Variants in VPS13B observed in about 807,000 individuals in gnomAD.
The protein encoded by VPS13B is intermembrane lipid transfer protein VPS13B.
VPS13B carries 285 observed loss-of-function variants against 426.4 expected under a neutral mutation model. The observed-to-expected ratio is 0.67, with a 90% CI of 0.61 to 0.74. VPS13B has a LOEUF of 0.74. Among genes scored for constraint, VPS13B ranks in the 30% least tolerant of loss-of-function variants. The probability of loss-of-function intolerance (pLI) is 0.00; values close to 1 mark genes in which losing one functional copy is unlikely to be tolerated. For synonymous variants in VPS13B, 1,676 were observed against 1,676.4 expected (o/e 1.00, Z 0.01); for missense variants, 4,537 against 4,782.6 (o/e 0.95, Z 1.51).
intron 22 of VPS13B, among the ~76,000 whole-genome samples, chr8:99,438,034 C>CTTTTTTTTTTTTTTTTTTTTTTTTTT (rs746500253): frequency 1.7e-5 from 2 of 120,588 alleles, no homozygotes; most frequent in African/African-American, 3.1e-5. Flanking sequence ...TTCTTTTCCT[C>CTTTTTTTTTTTTTTTTTTTTTTTTTT]TTTTTTTTTT....
intron 6 of VPS13B, 99 bp downstream of exon 6, chr8:99,111,378 T>C: frequency 2.1e-6 from 2 of 967,918 alleles, no homozygotes; most frequent in Non-Finnish European, 3.0e-6. Context: ...GAAATTAACC[T>C]TGTAAATATG....
chr8:99,589,272 G>A (rs1190280511), intron 33 of VPS13B, among the ~76,000 whole-genome samples: 1 of 151,594 alleles, frequency 6.6e-6, no homozygotes, highest in Non-Finnish European at 1.5e-5. Context: ...TGTTACATGT[G>A]TATATATGTG....
At chr8:99,695,525 A>G (rs1204910593) in intron 35 of VPS13B, among the ~76,000 whole-genome samples, 4 of 119,530 alleles carry the variant, frequency 3.3e-5, no homozygotes, top group Admixed American at 1.0e-4. Flanking sequence ...AGGAAGGGGA[A>G]TATCACACTC....
intron 13 of VPS13B, 51 bp from the exon 14 acceptor site, chr8:99,147,790 G>C (rs113413237): frequency 4.9e-6 from 6 of 1,225,476 alleles, no homozygotes; most frequent in Admixed American, 3.1e-5. Flanking sequence ...AGTTGTTTAA[G>C]AATATTATTT....
intron 19 of VPS13B, among the ~76,000 whole-genome samples, chr8:99,294,117 A>G (rs1258852070): frequency 1.3e-5 from 1 of 74,794 alleles, no homozygotes; most frequent in African/African-American, 5.9e-5. Flanking sequence ...ATTATTCACA[A>G]TAGCAAAGAC....
intron 25 of VPS13B, among the ~76,000 whole-genome samples, chr8:99,498,416 T>A (rs1821047005): frequency 7.0e-6 from 1 of 143,500 alleles, no homozygotes; most frequent in South Asian, 2.1e-4. Context: ...GAGATATACC[T>A]AATGTAAATG....
intron 39 of VPS13B, among the ~76,000 whole-genome samples, chr8:99,739,853 A>T (rs999748158): frequency 2.0e-5 from 3 of 152,234 alleles, no homozygotes; most frequent in African/African-American, 7.2e-5. Context: ...AAAGGTAGAT[A>T]AAACCACAAA....
intron 15 of VPS13B, among the ~76,000 whole-genome samples, chr8:99,158,524 C>T (rs1312349644): frequency 6.6e-6 from 1 of 152,150 alleles, no homozygotes; most frequent in Admixed American, 6.5e-5. Flanking sequence ...CAGGGCAAGA[C>T]GCTGACTCTC....
chr8:99,072,054 T>G (rs1844880509), intron 3 of VPS13B, among the ~76,000 whole-genome samples: 1 of 152,068 alleles, frequency 6.6e-6, no homozygotes, highest in African/African-American at 2.4e-5. Flanking sequence ...GCAGCCTTCT[T>G]GGTGCTCTGC....
chr8:99,668,890 A>G (rs1830592018), intron 35 of VPS13B, among the ~76,000 whole-genome samples: 1 of 152,142 alleles, frequency 6.6e-6, no homozygotes, highest in South Asian at 2.1e-4. Context: ...AGTCCACAGC[A>G]GGTTAATTTG....
At chr8:99,711,859 G>A (rs577943054) in intron 36 of VPS13B, among the ~76,000 whole-genome samples, 23 of 152,232 alleles carry the variant, frequency 1.5e-4, no homozygotes, top group Admixed American at 5.2e-4. Context: ...CTAACTTTTG[G>A]TTGAATAATG....
intron 59 of VPS13B, among the ~76,000 whole-genome samples, chr8:99,868,993 C>T (rs1200554938): frequency 1.3e-5 from 2 of 152,322 alleles, no homozygotes; most frequent in East Asian, 1.9e-4. Context: ...CTGGGAAGTG[C>T]GTGGCGCATG....
At chr8:99,685,922 C>T (rs755204706) in intron 35 of VPS13B, among the ~76,000 whole-genome samples, 12 of 152,038 alleles carry the variant, frequency 7.9e-5, no homozygotes, top group Non-Finnish European at 1.6e-4. Flanking sequence ...TCATCAGTGT[C>T]TGGGCATTGG....
chr8:99,601,290 G>A (rs571520752), intron 33 of VPS13B, among the ~76,000 whole-genome samples: 1 of 152,190 alleles, frequency 6.6e-6, no homozygotes, highest in African/African-American at 2.4e-5. Flanking sequence ...GAGAATGATA[G>A]TTTCCACCTT....
At chr8:99,402,268 C>T (rs1440035050) in intron 21 of VPS13B, among the ~76,000 whole-genome samples, 1 of 152,102 alleles carries the variant, frequency 6.6e-6, no homozygotes, top group Non-Finnish European at 1.5e-5. Flanking sequence ...CCCTTCATGT[C>T]CCCCAGACTC....
chr8:99,147,991 C>T lies in VPS13B; in HGVS notation c.1994C>T (p.Pro665Leu). The part of the protein sequence containing the change: ...AEFNLLDHLL[P>L]VIMGEKNSSN... ...TTCAACTTGCTGGACCATTTACTAC[C>T]TGTCATTATGGGAGAAAAGGTATAT... The change falls in exon 14 of 62, where the codon CCT becomes CTT. Residue 665 changes from proline (P) to leucine (L), a missense_variant. Transcript: ENST00000357162. The T allele has an allele frequency of 6.2e-7, 1 of 1,613,182 alleles. No homozygotes were observed. The highest frequency in any genetic ancestry group is 1.1e-5 in the South Asian group (1 of 91,058).
intron 42 of VPS13B, 137 bp downstream of exon 42, chr8:99,779,168 C>A: frequency 2.3e-6 from 2 of 882,610 alleles, no homozygotes; most frequent in Non-Finnish European, 3.6e-6. Flanking sequence ...CACCATTATA[C>A]TTGAGGCCTT....
chr8:99,302,675 AT>A (rs1481458108), intron 19 of VPS13B, among the ~76,000 whole-genome samples: 2 of 152,024 alleles, frequency 1.3e-5, no homozygotes, highest in African/African-American at 4.8e-5. Context: ...CACCCAGCTG[AT>A]TTTTATATTT....
At chr8:99,805,781 G>A (rs955140632) in intron 43 of VPS13B, among the ~76,000 whole-genome samples, 4 of 152,112 alleles carry the variant, frequency 2.6e-5, no homozygotes, top group South Asian at 2.1e-4. Flanking sequence ...AGTTGTCATC[G>A]AAAACTTCCA....
Sources: allele counts gnomAD v4.1 joint callset (sites outside exome capture counted in the v4.1 genomes callset), GRCh38; gene constraint gnomAD v4.1.1; transcripts MANE v1.5; gene names NCBI Gene and HGNC (gene_info 2026-07-23, HGNC 2026-07-21).